The following PTPN11 variants were observed in gnomAD, a reference collection of about 807,000 sequenced individuals.
PTPN11 encodes the protein protein tyrosine phosphatase non-receptor type 11.
Under a neutral mutation model 78.8 loss-of-function variants are expected in PTPN11, and 6 were observed. The observed-to-expected ratio is 0.08, with a 90% CI of 0.04 to 0.15. The LOEUF (loss-of-function observed/expected upper bound fraction) is 0.15. Among genes scored for constraint, PTPN11 ranks in the 10% least tolerant of loss-of-function variants. The pLI is 1.00. For synonymous variants in PTPN11, 221 were observed against 263.5 expected (o/e 0.84, Z 1.56); for missense variants, 386 against 744.8 (o/e 0.52, Z 5.61).
At position 112,509,232 on chromosome 12, in the gene PTPN11, A is replaced by G. The variant is rs1451338043; in HGVS notation, c.*3440A>G. The G allele has an allele frequency of 6.6e-6, 1 of 152,232 alleles. No homozygotes were observed. The highest frequency in any genetic ancestry group is 1.9e-4 in the East Asian group (1 of 5,198). 9.4% of individuals were successfully genotyped at this position (152,232 alleles called of 1,614,324 possible). On this transcript the variant is annotated 3_prime_UTR_variant, in exon 16 of 16. Coordinates refer to ENST00000351677, the MANE Select transcript of PTPN11 (RefSeq NM_002834.5). ...TCTTCCTCTTGAAAAGTTCCAAAAT[A>G]TAGTTTATTGTATCTTTCATCACTA... is the stretch of plus-strand genomic sequence containing the variant.
rs149699139 is a variant in PTPN11 at position 112,484,096 on chromosome 12, C to A, written c.1224+1891C>A. On this transcript the variant is annotated intron_variant, in intron 10 of 15. Coordinates refer to ENST00000351677, the MANE Select transcript of PTPN11 (RefSeq NM_002834.5). ...AAAAGGAGAAGGTGGCCACAGATGCCGGTAGATGAGCTGAGAGTGATTGTA... is the reference window on the plus strand; with the variant it reads ...AAAAGGAGAAGGTGGCCACAGATGCAGGTAGATGAGCTGAGAGTGATTGTA... Among the ~76,000 whole-genome samples, 4 of 152,000 alleles carry A rather than the reference C, an allele frequency of 2.6e-5. No homozygotes were observed. In the South Asian group the frequency reaches 8.3e-4, roughly 32 times the overall value.
At chr12:112,459,987 GCC>G in intron 6 of PTPN11, among the ~76,000 whole-genome samples, 1 of 150,444 alleles carries the variant, frequency 6.6e-6, no homozygotes, top group African/African-American at 2.4e-5. Context: ...TCACTCTGTT[GCC>G]CAGGCTGGAG....
At chr12:112,488,536 G>C (rs200408121) in intron 12 of PTPN11, 26 bp downstream of exon 12, 1 of 1,568,968 alleles carries the variant, frequency 6.4e-7, no homozygotes. Flanking sequence ...GGCAAGAAGC[G>C]ACAGTTTCTG....
At chr12:112,466,836 G>A (rs1315479411) in intron 6 of PTPN11, among the ~76,000 whole-genome samples, 1 of 152,142 alleles carries the variant, frequency 6.6e-6, no homozygotes, top group African/African-American at 2.4e-5. Flanking sequence ...CAGGCGAAAT[G>A]GTCATTAGGG....
chr12:112,500,658 C>G (rs2038864119), intron 13 of PTPN11, among the ~76,000 whole-genome samples: 1 of 152,188 alleles, frequency 6.6e-6, no homozygotes, highest in African/African-American at 2.4e-5. Flanking sequence ...GTGGCCTGAT[C>G]TTGGCTCACT....
intron 1 of PTPN11, among the ~76,000 whole-genome samples, chr12:112,441,817 C>T (rs1328924749): frequency 1.3e-5 from 2 of 149,438 alleles, no homozygotes; most frequent in South Asian, 4.3e-4. Context: ...CTCACTCTGT[C>T]GCCCAGGCTG....
chr12:112,463,810 G>A (rs1423696559), intron 6 of PTPN11, among the ~76,000 whole-genome samples: 1 of 152,160 alleles, frequency 6.6e-6, no homozygotes, highest in African/African-American at 2.4e-5. Flanking sequence ...GGAAACTGAA[G>A]CTATATCTAA....
chr12:112,474,341 C>T (rs1024719736), intron 7 of PTPN11, among the ~76,000 whole-genome samples: 9 of 151,894 alleles, frequency 5.9e-5, no homozygotes, highest in South Asian at 2.1e-4. Flanking sequence ...CCAGGCTGGG[C>T]GACAGAGTGA....
At chr12:112,468,611 A>G (rs11066320) in intron 6 of PTPN11, among the ~76,000 whole-genome samples, 107,594 of 152,122 alleles carry the variant, frequency 0.71, 40,543 homozygotes, top group East Asian at 1. Flanking sequence ...ATCTGTGACA[A>G]CTGTCAGCTG....
intron 13 of PTPN11, among the ~76,000 whole-genome samples, chr12:112,501,540 G>A (rs924142799): frequency 2.0e-5 from 3 of 152,244 alleles, no homozygotes; most frequent in East Asian, 3.9e-4. Context: ...CATGAAAATC[G>A]CTTGAACCCC....
chr12:112,439,784 T>TAAA, intron 1 of PTPN11, among the ~76,000 whole-genome samples: 1 of 131,570 alleles, frequency 7.6e-6, no homozygotes, highest in Non-Finnish European at 1.6e-5. Flanking sequence ...TGTCCTTTTT[T>TAAA]AAAAAAAAAA....
intron 7 of PTPN11, 23 bp downstream of exon 7, chr12:112,473,063 G>A: frequency 6.5e-7 from 1 of 1,537,970 alleles, no homozygotes; most frequent in Non-Finnish European, 9.0e-7. Context: ...ATTCCGCTCA[G>A]TAATAGTCAC....
chr12:112,433,225 G>A (rs2037740008), intron 1 of PTPN11, among the ~76,000 whole-genome samples: 2 of 152,136 alleles, frequency 1.3e-5, no homozygotes, highest in African/African-American at 4.8e-5. Flanking sequence ...GTATGGATGT[G>A]TTTAGATACA....
chr12:112,479,962 T>G (rs2038569655), intron 9 of PTPN11, among the ~76,000 whole-genome samples: 1 of 152,214 alleles, frequency 6.6e-6, no homozygotes, highest in African/African-American at 2.4e-5. Flanking sequence ...CATCCTACTT[T>G]CAGTATCCCC....
chr12:112,488,017 C>T (rs144524401), intron 11 of PTPN11, among the ~76,000 whole-genome samples: 2 of 152,140 alleles, frequency 1.3e-5, no homozygotes, highest in African/African-American at 4.8e-5. Context: ...CTCCTGGCCC[C>T]AAGTGATCCT....
Position 112,482,603 on chromosome 12 carries a change from G to A in PTPN11, c.1224+398G>A, listed in dbSNP as rs1453422310. The stretch of plus-strand genomic sequence containing the variant: ...CTACAAGGTCTGTTAGGAGGCCTCC[G>A]CAGGGGCCTATGTTGATGGCCTCCT... On this transcript the variant is annotated intron_variant, in intron 10 of 15. Transcript: ENST00000351677. The surrounding 1 kb of genome is among the most constrained non-coding windows in gnomAD (Gnocchi z 4.4). Among the ~76,000 whole-genome samples the A allele has an allele frequency of 2.0e-5, 3 of 152,152 alleles. No homozygotes were observed. Among genetic ancestry groups the A allele is most frequent in the Non-Finnish European group, 4.4e-5 (3 of 68,018 alleles).
At chr12:112,442,828 TTTTATATATA>T (rs1183235225) in intron 1 of PTPN11, among the ~76,000 whole-genome samples, 13 of 54,988 alleles carry the variant, frequency 2.4e-4, no homozygotes, top group African/African-American at 5.9e-4. Flanking sequence ...CTCTCTCTCT[TTTTATATATA>T]TATATATATA....
intron 7 of PTPN11, 123 bp from the exon 8 acceptor site, chr12:112,477,528 A>G (rs2038523025): frequency 3.9e-6 from 3 of 762,354 alleles, no homozygotes; most frequent in Non-Finnish European, 6.7e-6. Flanking sequence ...TTTAATTTTT[A>G]TGTGTTTTTT....
Position 112,423,784 on chromosome 12 carries a change from G to GC in PTPN11, c.14+4662dup, listed in dbSNP as rs1183527477. 3.2e-5 allele frequency among the ~76,000 whole-genome samples: 3 copies of GC among 94,716 alleles called. No homozygotes were observed. The East Asian group carries it at 9.1e-4, about 29-fold the overall frequency. The allele number at this position is 94,716 out of a possible 152,430, so 62.1% of individuals were successfully genotyped here. The stretch of plus-strand genomic sequence containing the variant: ...TTTTGAGACAGGGTCTTACCCTGTT[G>GC]CCCAGGCTGGAGACTGCAGTGGCAT... On this transcript the variant is annotated intron_variant, in intron 1 of 15. Transcript: ENST00000351677.
Sources: gnomAD v4.1 joint callset for allele counts (sites outside exome capture counted in the v4.1 genomes callset) on GRCh38, gnomAD v4.1.1 for gene constraint, Gnocchi (gnomAD v3.1) non-coding constraint, MANE v1.5 for transcripts, NCBI Gene and HGNC (gene_info 2026-07-23, HGNC 2026-07-21) for gene names.